Variants in HSD17B3 observed in about 807,000 individuals in gnomAD.
HSD17B3 encodes 17-beta-hydroxysteroid dehydrogenase type 3.
In HSD17B3, 29 loss-of-function variants were observed where a neutral mutation model predicts 41.1. The ratio of observed to expected loss-of-function variants is 0.71; its 90% CI spans 0.53 to 0.96. The LOEUF is 0.96. Among genes scored for constraint, HSD17B3 ranks in the 40% least tolerant of loss-of-function variants. HSD17B3 has a pLI of 0.00. For synonymous variants in HSD17B3, 126 were observed against 145.6 expected, an observed-to-expected ratio of 0.87 and a Z score of 0.97; for missense variants, 323 against 374.6, an observed-to-expected ratio of 0.86 and a Z score of 1.14.
At chr9:96,275,601 C>A (rs1826421198) in intron 2 of HSD17B3, among the ~76,000 whole-genome samples, 2 of 150,518 alleles carry the variant, frequency 1.3e-5, no homozygotes, top group African/African-American at 2.4e-5. Context: ...AAAAAAAAAG[C>A]AAACTCTTTC....
intron 2 of HSD17B3, among the ~76,000 whole-genome samples, chr9:96,289,604 T>G (rs988396660): frequency 6.6e-6 from 1 of 152,196 alleles, no homozygotes; most frequent in Non-Finnish European, 1.5e-5. Flanking sequence ...AAAGTCCATT[T>G]GCATTTTCAG....
chr9:96,252,260 T>C (rs749688276), intron 4 of HSD17B3, among the ~76,000 whole-genome samples: 1 of 152,036 alleles, frequency 6.6e-6, no homozygotes, highest in Non-Finnish European at 1.5e-5. Context: ...ATATAGTTGG[T>C]CCGGCCGGGT....
intron 2 of HSD17B3, among the ~76,000 whole-genome samples, chr9:96,267,157 ATTTT>A (rs11301816): frequency 2.9e-5 from 4 of 138,002 alleles, no homozygotes; most frequent in Non-Finnish European, 1.6e-5. Flanking sequence ...AAAAGACAAC[ATTTT>A]TTTTTTTTTT....
At chr9:96,249,511 G>A (rs115807775) in intron 6 of HSD17B3, 8 of 574,954 alleles carry the variant, frequency 1.4e-5, no homozygotes, top group African/African-American at 5.6e-5. Context: ...ATGTTCCAAC[G>A]TGTGACAAAA....
At chr9:96,258,762 A>G (rs1587737496) in intron 2 of HSD17B3, among the ~76,000 whole-genome samples, 1 of 151,952 alleles carries the variant, frequency 6.6e-6, no homozygotes, top group Middle Eastern at 3.4e-3. Flanking sequence ...TATAGTATCC[A>G]TTTTTTTTCA....
chr9:96,287,794 T>C (rs913708910), intron 2 of HSD17B3, among the ~76,000 whole-genome samples: 1 of 150,224 alleles, frequency 6.7e-6, no homozygotes, highest in Non-Finnish European at 1.5e-5. Context: ...CTAGGTAATC[T>C]ACCCAAAGGA....
At chr9:96,251,840 C>T (rs1435713197) in intron 4 of HSD17B3, among the ~76,000 whole-genome samples, 1 of 152,092 alleles carries the variant, frequency 6.6e-6, no homozygotes, top group Non-Finnish European at 1.5e-5. Flanking sequence ...CAAAATGCTA[C>T]CTCAGAATAT....
rs369066143 is a variant in HSD17B3, at chr9:96,245,400, G to A, written c.551C>T (p.Ser184Phe). Residue 184 changes from serine (S) to phenylalanine (F), a missense_variant, in exon 8 of 11, where the codon TCT (serine) becomes TTT (phenylalanine). Physicochemically the swap from Ser to Phe is radical, Grantham distance 155. Transcript: ENST00000375263. ...SRQKGLILNI[S>F]SGIALFPWPL... is the part of the protein sequence containing the mutation. ...CCAAGGAAACAGGGCTATCCCAGAA[G>A]AAATGTTCAGGATGAGACCTTTCTG... is the stretch of plus-strand genomic sequence containing the variant. The A allele has an allele frequency of 5.6e-6, 9 of 1,614,020 alleles. No homozygotes were observed. The highest frequency in any genetic ancestry group is 7.6e-6 in the Non-Finnish European group (9 of 1,179,970).
chr9:96,256,849 T>A (rs1308840653), intron 2 of HSD17B3, among the ~76,000 whole-genome samples: 6 of 150,946 alleles, frequency 4.0e-5, no homozygotes. Context: ...ATGGTTTGGA[T>A]CTCATGTCAA....
At chr9:96,239,494 A>G (rs1836350869) in intron 10 of HSD17B3, 3 of 152,364 alleles carry the variant, frequency 2.0e-5, no homozygotes, top group South Asian at 2.1e-4. Context: ...TGTGAGTTAC[A>G]TTGGTGATTA....
chr9:96,273,104 G>A (rs574369714), intron 2 of HSD17B3, among the ~76,000 whole-genome samples: 1 of 152,328 alleles, frequency 6.6e-6, no homozygotes, highest in African/African-American at 2.4e-5. Flanking sequence ...AGGAATCCTT[G>A]TAGTGATGGA....
rs1350654396 is a variant in HSD17B3, at chr9:96,293,749, C to T, written c.201+4667G>A. On this transcript the variant is annotated intron_variant, in intron 2 of 10. Transcript: ENST00000375263. ...TACATTCTCAAAAAATAAAAAAAGC[C>T]GTATATGTGAAAGGAATCACAGTTT... 3.3e-5 allele frequency among the ~76,000 whole-genome samples: 5 copies of T among 152,030 alleles called. 1 individual carries two copies. The highest frequency in any genetic ancestry group is 6.6e-5 in the Admixed American group (1 of 15,260).
intron 2 of HSD17B3, among the ~76,000 whole-genome samples, chr9:96,258,349 C>T (rs1011760192): frequency 3.3e-5 from 5 of 152,162 alleles, no homozygotes; most frequent in African/African-American, 7.2e-5. Flanking sequence ...ATTGTCTCAA[C>T]AACATTCTCC....
intron 2 of HSD17B3, among the ~76,000 whole-genome samples, chr9:96,270,269 C>CACACAG (rs1554698816): frequency 2.7e-5 from 4 of 150,768 alleles, no homozygotes; most frequent in East Asian, 1.9e-4. Flanking sequence ...CACACACACA[C>CACACAG]AGAGAGAGAG....
chr9:96,254,845 C>T, intron 3 of HSD17B3, 23 bp downstream of exon 3: 1 of 1,605,722 alleles, frequency 6.2e-7, no homozygotes, highest in Non-Finnish European at 8.5e-7. Context: ...ACACACATCT[C>T]CCTTATTTGG....
intron 2 of HSD17B3, among the ~76,000 whole-genome samples, chr9:96,268,400 T>C (rs1826117818): frequency 2.6e-5 from 4 of 152,190 alleles, no homozygotes; most frequent in Admixed American, 2.0e-4. Context: ...GATATATTTC[T>C]ATAAAAATAT....
intron 8 of HSD17B3, 111 bp downstream of exon 8, chr9:96,245,234 A>G: frequency 2.3e-6 from 2 of 852,766 alleles, no homozygotes. Flanking sequence ...CACATAAGAG[A>G]GCATCTCCAG....
At chr9:96,258,648 C>A (rs186233374) in intron 2 of HSD17B3, among the ~76,000 whole-genome samples, 2 of 152,272 alleles carry the variant, frequency 1.3e-5, no homozygotes, top group East Asian at 3.9e-4. Context: ...CTTGTTTAAT[C>A]TTCCAAATAA....
At chr9:96,253,926 CT>C (rs1354601337) in intron 3 of HSD17B3, among the ~76,000 whole-genome samples, 1 of 152,118 alleles carries the variant, frequency 6.6e-6, no homozygotes, top group Non-Finnish European at 1.5e-5. Context: ...CACAGTGTGA[CT>C]GCACAGCCCA....
Sources: allele counts gnomAD v4.1 joint callset (sites outside exome capture counted in the v4.1 genomes callset), GRCh38; gene constraint gnomAD v4.1.1; transcripts MANE v1.5; gene names NCBI Gene and HGNC (gene_info 2026-07-23, HGNC 2026-07-21).